The following ERG variants were observed in gnomAD, a reference collection of about 807,000 sequenced individuals.
The protein encoded by ERG is ETS transcription factor ERG, also known as transcriptional regulator ERG.
ERG carries 9 observed loss-of-function variants against 55.3 expected under a neutral mutation model. The observed-to-expected ratio is 0.16, with a 90% confidence interval of 0.10 to 0.28. ERG has a LOEUF of 0.28. Ranked by LOEUF, ERG falls within the 10% of genes least tolerant of loss-of-function variation. The probability of loss-of-function intolerance (pLI) is 1.00; values close to 1 mark genes in which losing one functional copy is unlikely to be tolerated. For synonymous variants in ERG, 223 were observed against 237.3 expected (o/e 0.94, Z 0.55); for missense variants, 434 against 631.6 (o/e 0.69, Z 3.35).
chr21:38,456,677 C>A (rs1322954232), intron 1 of ERG, among the ~76,000 whole-genome samples: 1 of 152,180 alleles, frequency 6.6e-6, no homozygotes, highest in Non-Finnish European at 1.5e-5. Flanking sequence ...CGCTGACTTA[C>A]GTAGAAAGAG....
chr21:38,618,006 T>C (rs919765695), intron 1 of ERG, among the ~76,000 whole-genome samples: 8 of 152,024 alleles, frequency 5.3e-5, no homozygotes, highest in African/African-American at 1.9e-4. Context: ...CTTAAAAGAA[T>C]GAATAAGGGG....
upstream of ERG, among the ~76,000 whole-genome samples, chr21:38,586,606 C>T (rs1338323610): frequency 1.3e-5 from 2 of 152,100 alleles, no homozygotes; most frequent in Non-Finnish European, 2.9e-5. Flanking sequence ...CTCTTGCCCA[C>T]CGTTGGTGGG....
At chr21:38,588,216 A>G (rs1018404761), upstream of ERG, among the ~76,000 whole-genome samples, 4 of 152,220 alleles carry the variant, frequency 2.6e-5, no homozygotes, top group Non-Finnish European at 5.9e-5. Context: ...GTTTGAGAAC[A>G]TTGGTAAGAG....
At chr21:38,415,564 A>T (rs186860742) in intron 3 of ERG, among the ~76,000 whole-genome samples, 2 of 152,344 alleles carry the variant, frequency 1.3e-5, no homozygotes, top group Admixed American at 1.3e-4. Flanking sequence ...AGCATGTCCC[A>T]TCATATCGAC....
At chr21:38,440,704 G>A (rs1195898702) in intron 2 of ERG, among the ~76,000 whole-genome samples, 1 of 147,304 alleles carries the variant, frequency 6.8e-6, no homozygotes, top group Non-Finnish European at 1.5e-5. Context: ...CAGGAGAATC[G>A]CTTGAACTCG....
upstream of ERG, among the ~76,000 whole-genome samples, chr21:38,499,580 G>C (rs141720228): frequency 8.6e-5 from 13 of 151,998 alleles, no homozygotes; most frequent in African/African-American, 2.9e-4. Context: ...AGAGCTGGAC[G>C]TTCAGTAAAT....
chr21:38,481,081 C>A (rs1166891552), intron 1 of ERG, among the ~76,000 whole-genome samples: 2 of 152,128 alleles, frequency 1.3e-5, no homozygotes, highest in Non-Finnish European at 1.5e-5. Flanking sequence ...GTATACTGAG[C>A]CAAAATATAA....
chr21:38,434,530 C>T lies in ERG; in HGVS notation c.236+10874G>A, dbSNP rs555402276. On this transcript the variant is annotated intron_variant, in intron 2 of 9. Coordinates refer to ENST00000288319, the MANE Select transcript of ERG (RefSeq NM_182918.4). ...TTCTCTGTATTTTCTCAGTAAGTGTCTGCAGGATGAGTGAGTACATTTATG... is the reference window on the plus strand; with the variant it reads ...TTCTCTGTATTTTCTCAGTAAGTGTTTGCAGGATGAGTGAGTACATTTATG... 2.0e-5 allele frequency among the ~76,000 whole-genome samples: 3 copies of T among 152,348 alleles called. No individual in the cohort carries two copies. In the South Asian group the frequency reaches 6.2e-4, roughly 32 times the overall value.
At chr21:38,631,676 G>A (rs528571997) in intron 1 of ERG, among the ~76,000 whole-genome samples, 119 of 152,038 alleles carry the variant, frequency 7.8e-4, no homozygotes, top group South Asian at 1.7e-3. Flanking sequence ...TTTCCGTACC[G>A]TTTTCACCCC....
At chr21:38,639,405 CAAAT>C (rs1321088844) in intron 1 of ERG, among the ~76,000 whole-genome samples, 1 of 148,852 alleles carries the variant, frequency 6.7e-6, no homozygotes, top group Non-Finnish European at 1.5e-5. Flanking sequence ...AAGATAAGAA[CAAAT>C]AATACAGCCA....
At chr21:38,462,291 G>A (rs552162581) in intron 1 of ERG, among the ~76,000 whole-genome samples, 1 of 152,176 alleles carries the variant, frequency 6.6e-6, no homozygotes, top group East Asian at 1.9e-4. Context: ...CCTTGTTATT[G>A]TTATTTTTAA....
Position 38,653,954 on chromosome 21 carries a change from G to A in ERG, c.-150+7704C>T, listed in dbSNP as rs185002403. Among the ~76,000 whole-genome samples the A allele has an allele frequency of 9.8e-5, 15 of 152,298 alleles. No homozygotes were observed. The East Asian group carries it at 2.5e-3, about 25-fold the overall frequency. On this transcript the variant is annotated intron_variant, in intron 1 of 10. Coordinates refer to the ERG transcript ENST00000398910. ...GCTAAATGCATTTACAAATGTGCTC[G>A]TAATGTACAAACAAATACAGCCCTT... is the stretch of plus-strand genomic sequence containing the variant.
chr21:38,419,723 C>T (rs1989450479), intron 3 of ERG, among the ~76,000 whole-genome samples: 1 of 151,996 alleles, frequency 6.6e-6, no homozygotes, highest in Non-Finnish European at 1.5e-5. Context: ...ATTTATCCTT[C>T]AGGGACATTT....
At chr21:38,388,404 C>G (rs948546145) in intron 9 of ERG, among the ~76,000 whole-genome samples, 2 of 152,178 alleles carry the variant, frequency 1.3e-5, no homozygotes, top group Non-Finnish European at 2.9e-5. Flanking sequence ...TGCATTCATA[C>G]TATATGATGC....
rs550174596 is a variant in ERG at position 38,660,855 on chromosome 21, G to A, written c.-150+803C>T. On this transcript the variant is annotated intron_variant, in intron 1 of 10. Transcript: ENST00000398910. Reference sequence around the variant, plus strand: ...AGCGCGCGGGAGTCTTCGAGTGCGCGCGTGTCCGTGTGCGCGTGGGTGTGG... The same window carrying A: ...AGCGCGCGGGAGTCTTCGAGTGCGCACGTGTCCGTGTGCGCGTGGGTGTGG... Among the ~76,000 whole-genome samples, 54 of 151,982 alleles carry A rather than the reference G, an allele frequency of 3.6e-4. 2 individuals are homozygous for A. The South Asian group carries it at 0.011, about 30-fold the overall frequency.
At chr21:38,488,842 C>G (rs756607943) in intron 1 of ERG, among the ~76,000 whole-genome samples, 2 of 152,254 alleles carry the variant, frequency 1.3e-5, no homozygotes, top group Non-Finnish European at 2.9e-5. Context: ...CAAGTCTATT[C>G]TAGTCTAATC....
chr21:38,655,807 T>C (rs1440006478), intron 1 of ERG, among the ~76,000 whole-genome samples: 1 of 152,138 alleles, frequency 6.6e-6, no homozygotes, highest in Non-Finnish European at 1.5e-5. Flanking sequence ...GATTAGTTAA[T>C]ACAAACTTGG....
chr21:38,562,071 G>A (rs375055619), intron 2 of ERG, among the ~76,000 whole-genome samples: 11 of 152,284 alleles, frequency 7.2e-5, no homozygotes, highest in South Asian at 2.1e-4. Context: ...GGAGACACAT[G>A]TGCAATTTTA....
At chr21:38,405,503 T>A (rs550061809) in intron 3 of ERG, among the ~76,000 whole-genome samples, 13 of 152,270 alleles carry the variant, frequency 8.5e-5, no homozygotes, top group African/African-American at 3.1e-4. Flanking sequence ...TGGGAGAGTC[T>A]GCTTCAATTA....
Sources: gnomAD v4.1 joint callset for allele counts (sites outside exome capture counted in the v4.1 genomes callset) on GRCh38, gnomAD v4.1.1 for gene constraint, MANE v1.5 for transcripts, NCBI Gene and HGNC (gene_info 2026-07-23, HGNC 2026-07-21) for gene names.